Variants in E4F1 observed in about 807,000 individuals in gnomAD.
E4F1 encodes E4F transcription factor 1.
A neutral mutation model predicts 72.9 loss-of-function variants in E4F1; 30 were observed. The ratio of observed to expected loss-of-function variants is 0.41; its 90% confidence interval spans 0.31 to 0.56. E4F1 has a LOEUF of 0.56. Among genes scored for constraint, E4F1 ranks in the 20% least tolerant of loss-of-function variants. The probability of loss-of-function intolerance (pLI) is 0.25; values close to 1 mark genes in which losing one functional copy is unlikely to be tolerated. For missense variants in E4F1, 1,091 were observed against 1,117.5 expected (o/e 0.98, Z 0.34); for synonymous variants, 542 against 478.2 (o/e 1.13, Z -1.74).
Position 2,223,800 on chromosome 16 carries a change from G to T in E4F1, c.157+30G>T. 3 of 1,533,940 alleles carry T rather than the reference G, an allele frequency of 2.0e-6. No homozygotes were observed. In the East Asian group the frequency reaches 7.5e-5, roughly 38 times the overall value. ...CCGGGCCGACCCGGAGGGTGCGGCC[G>T]GGGTGCGGGCAGTTCATCCCGGGCT... is the stretch of plus-strand genomic sequence containing the variant. On this transcript the variant is annotated intron_variant, in intron 1 of 13. Coordinates refer to ENST00000301727, the MANE Select transcript of E4F1 (RefSeq NM_004424.5).
In E4F1 at chr16:2,234,100, G is replaced by C. The variant is rs2093486664; in HGVS notation, c.1376-71G>C. On this transcript the variant is annotated intron_variant, in intron 9 of 13. Transcript: ENST00000301727. ...TAGACAGCAGGGAGCCAGGGGATCT[G>C]TGGGCAGGTGGCAGGCGGCCTGGCG... 6 of 1,576,710 alleles carry C rather than the reference G, an allele frequency of 3.8e-6. No homozygotes were observed. In the East Asian group the frequency reaches 1.4e-4, roughly 36 times the overall value.
intron 1 of E4F1, chr16:2,228,161 T>C: frequency 3.1e-6 from 2 of 645,208 alleles, no homozygotes; most frequent in Non-Finnish European, 5.5e-6. Flanking sequence ...TGAGGGTGGG[T>C]CTGGCCCCTG....
chr16:2,232,294 C>A lies in E4F1; in HGVS notation c.539C>A (p.Ala180Asp). ...GLGLAGEGEQ[A>D]QVKLLVNKDG... ...GGGCTCGCAGGGGAGGGTGAGCAGGCCCAGGTGAAGCTACTGGTGAACAAG... is the reference window on the plus strand; with the variant it reads ...GGGCTCGCAGGGGAGGGTGAGCAGGACCAGGTGAAGCTACTGGTGAACAAG... Residue 180 changes from alanine (A) to aspartate (D), a missense_variant, in exon 4 of 14, where the codon GCC (alanine) becomes GAC (aspartate). Physicochemically the swap from Ala to Asp is moderately radical, Grantham distance 126. Around this residue, in one of 5 missense-constraint regions of E4F1, gnomAD observed 362 missense variants for 358.6 expected, o/e 1.01. Coordinates refer to ENST00000301727, the MANE Select transcript of E4F1 (RefSeq NM_004424.5). 1 of 1,611,358 alleles carries A rather than the reference C, an allele frequency of 6.2e-7. No individual in the cohort carries two copies. The highest frequency in any genetic ancestry group is 2.2e-5 in the East Asian group (1 of 44,856).
rs535007953 is a variant in E4F1, at chr16:2,232,133, G to A, written c.416-38G>A. The stretch of plus-strand genomic sequence containing the variant: ...GCAGTCTCTGGGGTCTCTGGACAGG[G>A]GCAGGTCCTGGGGCTTAGGCCCAGA... On this transcript the variant is annotated intron_variant, in intron 3 of 13. Coordinates refer to ENST00000301727, the MANE Select transcript of E4F1 (RefSeq NM_004424.5). The A allele has an allele frequency of 2.6e-5, 42 of 1,602,582 alleles. No homozygotes were observed. In the African/African-American group the frequency reaches 5.3e-4, roughly 20 times the overall value.
intron 9 of E4F1, 37 bp downstream of exon 9, chr16:2,234,027 A>G: frequency 6.4e-7 from 1 of 1,556,806 alleles, no homozygotes; most frequent in Non-Finnish European, 8.7e-7. Flanking sequence ...ATGGCAGTGG[A>G]TGGGCTATAG....
At position 2,235,426 on chromosome 16, in the gene E4F1, C is replaced by A; in HGVS notation, c.2209C>A (p.Leu737Ile). 6.2e-7 allele frequency: 1 copy of A among 1,612,316 alleles called. No homozygotes were observed. Among genetic ancestry groups the A allele is most frequent in the East Asian group, 2.2e-5 (1 of 44,862 alleles). Residue 737 changes from leucine (L) to isoleucine (I), a missense_variant, in exon 14 of 14, where the codon CTT (leucine) becomes ATT (isoleucine). Transcript: ENST00000301727. ...CTCGGCCATCAGCGAGGGCACTGTG[C>A]TTGCCGCCCGGGCAGGGACAAGTGG... Reference protein sequence around the residue: ...LASAISEGTVLAARAGTSGTE... With the variant: ...LASAISEGTVIAARAGTSGTE...
intron 2 of E4F1, 32 bp downstream of exon 2, chr16:2,228,555 C>T (rs1437337063): frequency 1.2e-5 from 19 of 1,602,216 alleles, no homozygotes; most frequent in East Asian, 4.5e-5. Flanking sequence ...CATCCCCTCC[C>T]GGGTTCACCT....
chr16:2,234,848 CCCA>C lies in E4F1; in HGVS notation c.1793-8_1793-6del. 3 of 1,548,796 alleles carry C rather than the reference CCCA, an allele frequency of 1.9e-6. No homozygotes were observed. The highest frequency in any genetic ancestry group is 2.6e-6 in the Non-Finnish European group (3 of 1,146,724). On this transcript the variant is annotated splice_polypyrimidine_tract_variant and splice_region_variant and intron_variant, in intron 11 of 13. Coordinates refer to ENST00000301727, the MANE Select transcript of E4F1 (RefSeq NM_004424.5). ...GGGCTTGCCTAGCCCTGACCGAGTC[CCCA>C]CCCACAGGGGGCTGCCTGCTGGAGG...
rs773039495 is a variant in E4F1 at position 2,235,252 on chromosome 16, G to A, written c.2035G>A (p.Val679Met). ...CATCATGAAGGTGGTGCAGCAGATC[G>A]TGCACCAGGCTAGCGCCGGCCACCA... ...SHIMKVVQQI[V>M]HQASAGHQII... The change falls in exon 14 of 14, where the codon GTG becomes ATG. Residue 679 changes from valine to methionine, a missense_variant. Physicochemically the swap from Val to Met is conservative, Grantham distance 21 (BLOSUM62 1). This residue lies in a region of E4F1 where 622 missense variants were observed against 628.0 expected (regional missense o/e 0.99). Coordinates refer to ENST00000301727, the MANE Select transcript of E4F1 (RefSeq NM_004424.5). 1.7e-5 allele frequency: 27 copies of A among 1,610,484 alleles called. No individual in the cohort carries two copies. The highest frequency in any genetic ancestry group is 7.7e-5 in the South Asian group (7 of 91,046).
intron 3 of E4F1, chr16:2,230,144 G>A (rs765165792): frequency 1.1e-4 from 21 of 187,648 alleles, no homozygotes; most frequent in Non-Finnish European, 2.1e-4. Flanking sequence ...TGCTGGCCGT[G>A]GCCTGCCCTC....
At chr16:2,223,836 C>A in intron 1 of E4F1, 66 bp downstream of exon 1, 1 of 1,531,246 alleles carries the variant, frequency 6.5e-7, no homozygotes, top group Non-Finnish European at 8.7e-7. Context: ...GGCAGAGGCC[C>A]GGATGGCCCG....
Position 2,234,187 on chromosome 16 carries a change from C to T in E4F1, c.1392C>T (p.Ala464=). Residue 464 remains alanine (A), a synonymous_variant, in exon 10 of 14, where the codon GCC becomes GCT. Coordinates refer to ENST00000301727, the MANE Select transcript of E4F1 (RefSeq NM_004424.5). The part of the protein sequence containing the change: ...KRGHTGPRPF[A]CAQCGKAFPK... ...TGGCTGCAGGGCCGAGGCCGTTCGC[C>T]TGCGCGCAGTGTGGCAAGGCCTTCC... The T allele has an allele frequency of 6.2e-7, 1 of 1,612,272 alleles. No homozygotes were observed.
rs753628444 is a variant in E4F1, at chr16:2,235,068, C to T, written c.1936-13C>T. Reference sequence around the variant, plus strand: ...GCCAAGGCTGACCTCTGTCCTTCTGCCCATCTGCCCAGGCCACTGCGGACG... The same window carrying T: ...GCCAAGGCTGACCTCTGTCCTTCTGTCCATCTGCCCAGGCCACTGCGGACG... On this transcript the variant is annotated splice_polypyrimidine_tract_variant and intron_variant, in intron 12 of 13. Coordinates refer to ENST00000301727, the MANE Select transcript of E4F1 (RefSeq NM_004424.5). 6.2e-7 allele frequency: 1 copy of T among 1,612,338 alleles called. No individual in the cohort carries two copies. The highest frequency in any genetic ancestry group is 1.1e-5 in the South Asian group (1 of 91,048).
chr16:2,223,926 C>G (rs975942581), intron 1 of E4F1, 156 bp downstream of exon 1: 2 of 1,530,274 alleles, frequency 1.3e-6, no homozygotes, highest in Non-Finnish European at 1.7e-6. Context: ...CACGAAACCC[C>G]CAGGTTTGCT....
rs2093503338 is a variant in E4F1 at position 2,235,552 on chromosome 16, G to T, written c.2335G>T (p.Val779Leu). 3 of 1,599,068 alleles carry T rather than the reference G, an allele frequency of 1.9e-6. No individual in the cohort carries two copies. Among genetic ancestry groups the T allele is most frequent in the Non-Finnish European group, 2.6e-6 (3 of 1,170,526 alleles). Residue 779 changes from valine to leucine, a missense_variant, in exon 14 of 14, where the codon GTG becomes TTG. By Grantham distance (32) the Val-to-Leu change is conservative. Around this residue, in one of 5 missense-constraint regions of E4F1, gnomAD observed 622 missense variants for 628.0 expected, o/e 0.99. Coordinates refer to ENST00000301727, the MANE Select transcript of E4F1 (RefSeq NM_004424.5). Reference protein sequence around the residue: ...VIASPEGQLEVQTVIV With the variant: ...VIASPEGQLELQTVIV The stretch of plus-strand genomic sequence containing the variant: ...CGCCTCGCCGGAGGGCCAGCTGGAG[G>T]TGCAGACGGTCATCGTCTAGCATGA...
In E4F1 at chr16:2,223,691, C is replaced by A; in HGVS notation, c.78C>A (p.Gly26=). The A allele has an allele frequency of 6.3e-7, 1 of 1,575,928 alleles. No individual in the cohort carries two copies. ...EAQAEAGREA[G]EGAVAAVAAA... is the part of the protein sequence containing the mutation. Reference sequence around the variant, plus strand: ...AGGCCGAAGCCGGGCGGGAAGCGGGCGAGGGTGCAGTTGCGGCGGTGGCGG... The same window carrying A: ...AGGCCGAAGCCGGGCGGGAAGCGGGAGAGGGTGCAGTTGCGGCGGTGGCGG... The change falls in exon 1 of 14, where the codon GGC becomes GGA. Residue 26 remains glycine, a synonymous_variant. Transcript: ENST00000301727.
intron 1 of E4F1, among the ~76,000 whole-genome samples, chr16:2,226,647 C>T (rs1180915141): frequency 6.6e-6 from 1 of 152,238 alleles, no homozygotes; most frequent in Non-Finnish European, 1.5e-5. Context: ...AGCTCCTATC[C>T]CTTTGTGTAA....
Position 2,225,806 on chromosome 16 carries a change from A to T in E4F1, c.157+2036A>T, listed in dbSNP as rs867875410. On this transcript the variant is annotated intron_variant, in intron 1 of 13. Transcript: ENST00000301727. The stretch of plus-strand genomic sequence containing the variant: ...CTCTGTTTAGGAAAAAAAAAAAAAA[A>T]AAAAAAAGGCTGGGCGCAATGGCTC... 7.4e-3 allele frequency among the ~76,000 whole-genome samples: 1,090 copies of T among 147,724 alleles called. 20 individuals are homozygous for T. The highest frequency in any genetic ancestry group is 0.027 in the African/African-American group (1,026 of 38,198).
At chr16:2,231,989 A>C (rs2093470337) in intron 3 of E4F1, 182 bp from the exon 4 acceptor site, 1 of 710,070 alleles carries the variant, frequency 1.4e-6, no homozygotes, top group Non-Finnish European at 2.3e-6. Flanking sequence ...TCCACCTCTC[A>C]CTCTGACCTG....
Sources: allele counts gnomAD v4.1 joint callset (sites outside exome capture counted in the v4.1 genomes callset), GRCh38; gene constraint gnomAD v4.1.1; regional missense constraint gnomAD v4.1.1; transcripts MANE v1.5; gene names NCBI Gene and HGNC (gene_info 2026-07-23, HGNC 2026-07-21).